PARD3B: variants seen among roughly 807,000 people sequenced by gnomAD.
PARD3B encodes the protein partitioning defective 3 homolog B.
PARD3B carries 103 observed loss-of-function variants against 130.2 expected under a neutral mutation model. That is an observed-to-expected ratio of 0.79 (90% CI 0.67 to 0.93). The LOEUF (loss-of-function observed/expected upper bound fraction) is 0.93. PARD3B is among the 40% of genes least tolerant of loss of function. The pLI is 0.00. For synonymous variants in PARD3B, 583 were observed against 553.2 expected, an observed-to-expected ratio of 1.05 and a Z score of -0.76; for missense variants, 1,609 against 1,499.2, an observed-to-expected ratio of 1.07 and a Z score of -1.21.
At chr2:205,117,916 T>TACACACACACACACACACACACACAC (rs745919031) in intron 6 of PARD3B, among the ~76,000 whole-genome samples, 1 of 20,376 alleles carries the variant, frequency 4.9e-5, no homozygotes, top group African/African-American at 7.6e-5. Context: ...TGTATGTGTG[T>TACACACACACACACACACACACACAC]ACACACACAC....
At chr2:205,574,593 A>G (rs1195716233) in intron 22 of PARD3B, among the ~76,000 whole-genome samples, 3 of 152,152 alleles carry the variant, frequency 2.0e-5, no homozygotes, top group Non-Finnish European at 4.4e-5. Context: ...CCCGTTTTCT[A>G]GCATTTACAG....
rs575097948 is a variant in PARD3B, at chr2:204,946,848, C to G, written c.223-18304C>G. Among the ~76,000 whole-genome samples, 3 of 152,236 alleles carry G rather than the reference C, an allele frequency of 2.0e-5. 1 individual carries two copies. In the South Asian group the frequency reaches 6.2e-4, roughly 32 times the overall value. On this transcript the variant is annotated intron_variant, in intron 2 of 22. Coordinates refer to ENST00000406610, the MANE Select transcript of PARD3B (RefSeq NM_001302769.2). ...TAAAGTCCAGTGCAGAAGCCAGCAA[C>G]CTGAAGACCCAAGAGGAGCTCATGT...
chr2:205,596,905 A>G (rs184620765), intron 22 of PARD3B, among the ~76,000 whole-genome samples: 1 of 152,262 alleles, frequency 6.6e-6, no homozygotes, highest in African/African-American at 2.4e-5. Flanking sequence ...TGAGATAGTC[A>G]GAATTGGGAG....
intron 1 of PARD3B, among the ~76,000 whole-genome samples, chr2:204,576,320 G>A (rs563438615): frequency 6.6e-6 from 1 of 152,276 alleles, no homozygotes; most frequent in South Asian, 2.1e-4. Flanking sequence ...CAAGTACCCT[G>A]GGACACAAGG....
At chr2:205,134,699 TAAG>T (rs1405816289) in intron 10 of PARD3B, among the ~76,000 whole-genome samples, 1 of 152,188 alleles carries the variant, frequency 6.6e-6, no homozygotes, top group Non-Finnish European at 1.5e-5. Context: ...TGCTGCTCCC[TAAG>T]AAGTACTTAT....
chr2:205,516,689 A>C (rs2050803699), intron 21 of PARD3B, among the ~76,000 whole-genome samples: 1 of 152,138 alleles, frequency 6.6e-6, no homozygotes, highest in Non-Finnish European at 1.5e-5. Flanking sequence ...AGGGTTCTCT[A>C]GGTATAAAAT....
At position 205,463,345 on chromosome 2, in the gene PARD3B, G is replaced by C. The variant is rs577028116; in HGVS notation, c.3044+22673G>C. ...CACGAGTTTCCCCTGTGGGCATCCA[G>C]AGTAGCCATGGCCTGGCCAGGCACT... On this transcript the variant is annotated intron_variant, in intron 20 of 22. Transcript: ENST00000406610. This position sits in a 1 kb window ranked among gnomAD's most constrained non-coding sequence, Gnocchi z 4.8. Among the ~76,000 whole-genome samples the C allele has an allele frequency of 2.9e-4, 44 of 151,430 alleles. No individual in the cohort carries two copies. The South Asian group carries it at 9.2e-3, about 32-fold the overall frequency.
Position 205,091,446 on chromosome 2 carries a change from G to T in PARD3B, c.505-12980G>T, listed in dbSNP as rs966618914. Among the ~76,000 whole-genome samples, 4 of 151,972 alleles carry T rather than the reference G, an allele frequency of 2.6e-5. No homozygotes were observed. Among genetic ancestry groups the T allele is most frequent in the Admixed American group, 6.6e-5 (1 of 15,238 alleles). On this transcript the variant is annotated intron_variant, in intron 4 of 22. Transcript: ENST00000406610. The surrounding 1 kb of genome is among the most constrained non-coding windows in gnomAD (Gnocchi z 4.2). Reference sequence around the variant, plus strand: ...CCTTCTCGGGGAAATAGATGAGGAGGGTGGCCATTAGAATATCCTCCCCAC... The same window carrying T: ...CCTTCTCGGGGAAATAGATGAGGAGTGTGGCCATTAGAATATCCTCCCCAC...
At chr2:205,296,995 C>T (rs1478291940) in intron 16 of PARD3B, among the ~76,000 whole-genome samples, 2 of 151,610 alleles carry the variant, frequency 1.3e-5, no homozygotes, top group Non-Finnish European at 2.9e-5. Flanking sequence ...TATGTGAGAT[C>T]CTTCTTTTAG....
chr2:205,002,917 T>G (rs180686155), intron 3 of PARD3B, among the ~76,000 whole-genome samples: 5 of 152,316 alleles, frequency 3.3e-5, no homozygotes, highest in African/African-American at 9.6e-5. Flanking sequence ...ATGTGCTGGG[T>G]GGGAGAAAAC....
At chr2:204,812,329 C>T (rs2042992733) in intron 2 of PARD3B, among the ~76,000 whole-genome samples, 1 of 152,094 alleles carries the variant, frequency 6.6e-6, no homozygotes, top group South Asian at 2.1e-4. Flanking sequence ...GGAAAGAATT[C>T]ATCACAGGGG....
chr2:204,668,818 T>C (rs183928837), intron 1 of PARD3B, among the ~76,000 whole-genome samples: 116 of 152,292 alleles, frequency 7.6e-4, no homozygotes, highest in African/African-American at 2.6e-3. Context: ...AAATTAAGAT[T>C]GGTCAGTTTA....
At position 205,461,472 on chromosome 2, in the gene PARD3B, C is replaced by T. The variant is rs2048452572; in HGVS notation, c.3044+20800C>T. 6.6e-6 allele frequency among the ~76,000 whole-genome samples: 1 copy of T among 152,160 alleles called. No homozygotes were observed. On this transcript the variant is annotated intron_variant, in intron 20 of 22. Transcript: ENST00000406610. This position sits in a 1 kb window ranked among gnomAD's most constrained non-coding sequence, Gnocchi z 4.3. Reference sequence around the variant, plus strand: ...CGGACTGCCATGTAGAAAAGGTCCCCTATTATTTCAGCACCACATTTCAGC... The same window carrying T: ...CGGACTGCCATGTAGAAAAGGTCCCTTATTATTTCAGCACCACATTTCAGC...
intron 3 of PARD3B, among the ~76,000 whole-genome samples, chr2:205,032,479 G>T (rs887193356): frequency 2.0e-4 from 31 of 152,102 alleles, no homozygotes; most frequent in Non-Finnish European, 1.5e-5. Flanking sequence ...AGCAGATATG[G>T]GTCAAATGAG....
intron 3 of PARD3B, among the ~76,000 whole-genome samples, chr2:205,016,026 T>C (rs1696119521): frequency 6.6e-6 from 1 of 152,300 alleles, no homozygotes; most frequent in Admixed American, 6.5e-5. Context: ...CTCTCCAAAA[T>C]AAATCTCAAA....
intron 1 of PARD3B, among the ~76,000 whole-genome samples, chr2:204,569,948 C>CT (rs1358775959): frequency 2.6e-5 from 4 of 152,108 alleles, no homozygotes; most frequent in Non-Finnish European, 5.9e-5. Flanking sequence ...GTTTGCCATC[C>CT]TGTCTCCTGT....
chr2:205,193,823 C>G (rs1442689371), intron 15 of PARD3B, among the ~76,000 whole-genome samples: 1 of 152,166 alleles, frequency 6.6e-6, no homozygotes, highest in African/African-American at 2.4e-5. Context: ...AATGCCCATC[C>G]CCAAATCCTG....
At chr2:204,636,740 G>A (rs551094084) in intron 1 of PARD3B, among the ~76,000 whole-genome samples, 2 of 151,690 alleles carry the variant, frequency 1.3e-5, no homozygotes, top group Non-Finnish European at 2.9e-5. Context: ...TTTATACTTA[G>A]GCTTCTTTCT....
intron 2 of PARD3B, among the ~76,000 whole-genome samples, chr2:204,797,067 C>T (rs562413795): frequency 3.7e-4 from 56 of 149,674 alleles, no homozygotes; most frequent in Admixed American, 2.9e-3. Flanking sequence ...CCCAGCTACT[C>T]GGGAGGCTGA....
Sources: allele counts gnomAD v4.1 joint callset (sites outside exome capture counted in the v4.1 genomes callset), GRCh38; gene constraint gnomAD v4.1.1; non-coding constraint Gnocchi (gnomAD v3.1); transcripts MANE v1.5; gene names NCBI Gene and HGNC (gene_info 2026-07-23, HGNC 2026-07-21).